The following HEATR5A variants were observed in gnomAD, a reference collection of about 807,000 sequenced individuals.
HEATR5A encodes HEAT repeat containing 5A.
HEATR5A carries 178 observed loss-of-function variants against 218.8 expected under a neutral mutation model. The ratio of observed to expected loss-of-function variants is 0.81; its 90% confidence interval spans 0.72 to 0.92. The LOEUF is 0.92. Ranked by LOEUF, HEATR5A falls within the 40% of genes least tolerant of loss-of-function variation. HEATR5A has a pLI of 0.00. For missense variants in HEATR5A, 2,420 were observed against 2,418.9 expected (o/e 1.00, Z -0.01); for synonymous variants, 864 against 871.6 (o/e 0.99, Z 0.15).
chr14:31,405,675 T>TG, intron 1 of HEATR5A, among the ~76,000 whole-genome samples: 1 of 152,268 alleles, frequency 6.6e-6, no homozygotes, highest in South Asian at 2.1e-4. Context: ...TATGATTGTT[T>TG]GGGGGGTGGA....
intron 23 of HEATR5A, among the ~76,000 whole-genome samples, chr14:31,324,849 C>T (rs367692999): frequency 1.4e-4 from 21 of 151,806 alleles, no homozygotes; most frequent in Non-Finnish European, 2.1e-4. Context: ...ATATGTAAAG[C>T]GTAATAGTTG....
At chr14:31,311,418 A>AT (rs1193603312) in intron 28 of HEATR5A, among the ~76,000 whole-genome samples, 154 of 146,686 alleles carry the variant, frequency 1.0e-3, no homozygotes, top group Middle Eastern at 3.6e-3. Context: ...CATTCTTTTA[A>AT]TTTTTTTTTT....
At chr14:31,399,505 T>C (rs2030790104) in intron 3 of HEATR5A, among the ~76,000 whole-genome samples, 1 of 152,154 alleles carries the variant, frequency 6.6e-6, no homozygotes. Flanking sequence ...TGTTATAAGG[T>C]AAAAATGAGA....
At chr14:31,374,778 C>A (rs759557202) in intron 12 of HEATR5A, 38 bp downstream of exon 12, 1 of 1,566,516 alleles carries the variant, frequency 6.4e-7, no homozygotes, top group Middle Eastern at 1.7e-4. Flanking sequence ...GGGTAAAAAG[C>A]CAAAGGAAAG....
intron 22 of HEATR5A, among the ~76,000 whole-genome samples, chr14:31,334,929 G>C: frequency 8.5e-6 from 1 of 117,978 alleles, no homozygotes; most frequent in South Asian, 2.8e-4. Flanking sequence ...CTGGGTGACA[G>C]AGCAAGATTC....
At position 31,334,871 on chromosome 14, in the gene HEATR5A, G is replaced by A. The variant is rs370940067; in HGVS notation, c.3367+2605C>T. Among the ~76,000 whole-genome samples the A allele has an allele frequency of 1.1e-4, 16 of 151,308 alleles. 1 individual carries two copies. The South Asian group carries it at 1.7e-3, about 16-fold the overall frequency. On this transcript the variant is annotated intron_variant, in intron 22 of 35. Transcript: ENST00000543095. ...TGAGGCAGGAGAATGGCGGAAACCC[G>A]GGAGGCGGAGCTTGCAGTGAGCCAA...
Position 31,360,069 on chromosome 14 carries a change from T to A in HEATR5A, c.2072-1012A>T, listed in dbSNP as rs141114333. ...ATGTTGTAAAAAAAAAAAAAGCCAC[T>A]GAACATCAGGTACCCATTCAGTATT... On this transcript the variant is annotated intron_variant, in intron 14 of 35. Transcript: ENST00000543095. Among the ~76,000 whole-genome samples, 936 of 149,756 alleles carry A rather than the reference T, an allele frequency of 6.3e-3. 2 individuals are homozygous for A. The highest frequency in any genetic ancestry group is 8.2e-3 in the Non-Finnish European group (557 of 67,650).
chr14:31,374,718 C>G (rs983447192), intron 12 of HEATR5A, 98 bp downstream of exon 12: 43 of 1,140,438 alleles, frequency 3.8e-5, no homozygotes, highest in Non-Finnish European at 5.1e-5. Context: ...GGCATATCCC[C>G]CTGCCTCGTG....
intron 23 of HEATR5A, among the ~76,000 whole-genome samples, chr14:31,324,085 T>TA (rs1304056733): frequency 2.0e-5 from 3 of 152,014 alleles, no homozygotes; most frequent in Non-Finnish European, 4.4e-5. Context: ...AAAAAATATT[T>TA]AAAAAAACAA....
intron 14 of HEATR5A, among the ~76,000 whole-genome samples, chr14:31,359,395 A>G (rs1266710271): frequency 6.6e-6 from 1 of 151,984 alleles, no homozygotes; most frequent in African/African-American, 2.4e-5. Context: ...AAAAGCAGAT[A>G]TGTTTTTTAA....
chr14:31,407,062 G>A (rs988012953), intron 1 of HEATR5A, among the ~76,000 whole-genome samples: 2 of 149,620 alleles, frequency 1.3e-5, no homozygotes, highest in East Asian at 4.0e-4. Flanking sequence ...GGACAAAGCA[G>A]GAGGGTTGCT....
intron 4 of HEATR5A, among the ~76,000 whole-genome samples, chr14:31,396,941 G>A (rs2030678003): frequency 6.6e-6 from 1 of 152,144 alleles, no homozygotes; most frequent in Admixed American, 6.5e-5. Context: ...GAATTAGGAG[G>A]AAGAAAGTTT....
chr14:31,417,026 C>G (rs1595195104), intron 1 of HEATR5A, among the ~76,000 whole-genome samples: 1 of 152,018 alleles, frequency 6.6e-6, no homozygotes, highest in African/African-American at 2.4e-5. Flanking sequence ...CGCTTGAGTA[C>G]ACTCCAATGA....
At position 31,358,663 on chromosome 14, in the gene HEATR5A, T is replaced by A; in HGVS notation, c.2385A>T (p.Val795=). The A allele has an allele frequency of 2.5e-6, 4 of 1,613,830 alleles. No homozygotes were observed. The highest frequency in any genetic ancestry group is 3.4e-6 in the Non-Finnish European group (4 of 1,179,836). The change falls in exon 16 of 36, where the codon GTA becomes GTT. Residue 795 remains valine, a synonymous_variant. Transcript: ENST00000543095. ...ISSASKLFGV[V]CAHVGETQRL... is the part of the protein sequence containing the mutation. ...TTTGAGTTTCTCCCACATGAGCGCA[T>A]ACAACCCCAAAGAGCTTGGATGCAG... is the stretch of plus-strand genomic sequence containing the variant.
intron 33 of HEATR5A, among the ~76,000 whole-genome samples, chr14:31,301,808 CTTTTTTTTTTTTT>C (rs35947008): frequency 1.2e-5 from 1 of 82,500 alleles, no homozygotes; most frequent in South Asian, 5.2e-4. Flanking sequence ...ACACAGCTTT[CTTTTTTTTTTTTT>C]TTTTTTTTTT....
chr14:31,337,376 C>T lies in HEATR5A; in HGVS notation c.3367+100G>A, dbSNP rs543553987. 5 of 897,532 alleles carry T rather than the reference C, an allele frequency of 5.6e-6. No individual in the cohort carries two copies. In the Admixed American group the frequency reaches 1.3e-4, roughly 24 times the overall value. 55.6% of individuals were successfully genotyped at this position (897,532 alleles called of 1,614,324 possible). A position where few individuals can be genotyped will look rare whatever the true frequency, so the allele number is the denominator to read the frequency against. On this transcript the variant is annotated intron_variant, in intron 22 of 35. Transcript: ENST00000543095. ...ATTCTTTCTTGTAGCAGGTTTAAGA[C>T]ATATTAACTTTTAAACTGTTTCAAA...
intron 27 of HEATR5A, among the ~76,000 whole-genome samples, chr14:31,314,534 G>A (rs1899856399): frequency 6.6e-6 from 1 of 152,038 alleles, no homozygotes; most frequent in Non-Finnish European, 1.5e-5. Context: ...TGGGATTACA[G>A]GTGTGAGCTA....
intron 6 of HEATR5A, among the ~76,000 whole-genome samples, chr14:31,390,820 C>T (rs2030424134): frequency 1.3e-5 from 2 of 152,130 alleles, no homozygotes; most frequent in Non-Finnish European, 2.9e-5. Context: ...ATTTATTATA[C>T]TTTTTATTGT....
At position 31,388,848 on chromosome 14, in the gene HEATR5A, A is replaced by G. The variant is rs372120706; in HGVS notation, c.930T>C (p.Thr310=). 6.2e-7 allele frequency: 1 copy of G among 1,613,468 alleles called. No individual in the cohort carries two copies. The highest frequency in any genetic ancestry group is 8.5e-7 in the Non-Finnish European group (1 of 1,179,506). Residue 310 remains threonine (T), a synonymous_variant, in exon 7 of 36, where the codon ACT becomes ACC. Transcript: ENST00000543095. ...GATACTGATTTGTGATTCCAACCTG[A>G]GTAACTCCAACTCGAACATCCCTAC... The part of the protein sequence containing the change: ...SVSRDVRVGV[T]QAYVVFVSTL...
Sources: allele counts gnomAD v4.1 joint callset (sites outside exome capture counted in the v4.1 genomes callset), GRCh38; gene constraint gnomAD v4.1.1; transcripts MANE v1.5; gene names NCBI Gene and HGNC (gene_info 2026-07-23, HGNC 2026-07-21).